The following VAX2 variants were observed in gnomAD, a reference collection of about 807,000 sequenced individuals.
The protein encoded by VAX2 is ventral anterior homeobox 2.
Under a neutral mutation model 12.5 loss-of-function variants are expected in VAX2, and 8 were observed. That is an observed-to-expected ratio of 0.64 (90% CI 0.37 to 1.15). The LOEUF is 1.15. VAX2 is among the 50% of genes most tolerant of loss of function. VAX2 has a pLI of 0.01. For missense variants in VAX2, 476 were observed against 412.9 expected (o/e 1.15, Z -1.32); for synonymous variants, 183 against 187.6 (o/e 0.98, Z 0.20).
Position 70,904,179 on chromosome 2 carries a change from A to G in VAX2, c.247+3311A>G, listed in dbSNP as rs3771400. 7.2e-5 allele frequency among the ~76,000 whole-genome samples: 11 copies of G among 152,352 alleles called. No individual in the cohort carries two copies. The East Asian group carries it at 2.1e-3, about 29-fold the overall frequency. On this transcript the variant is annotated intron_variant, in intron 1 of 2. Coordinates refer to ENST00000234392, the MANE Select transcript of VAX2 (RefSeq NM_012476.3). The surrounding 1 kb of genome is among the most constrained non-coding windows in gnomAD (Gnocchi z 4.2). ...CCACACCTCCGCGTGCACAGTCCCT[A>G]GACCAGTGAGGGCGGGGACGGGGAA...
chr2:70,920,617 A>T (rs992830650), intron 1 of VAX2, among the ~76,000 whole-genome samples: 31 of 140,226 alleles, frequency 2.2e-4, no homozygotes, highest in African/African-American at 8.3e-4. Context: ...GATGCATGAC[A>T]CTCCTTCATG....
intron 1 of VAX2, among the ~76,000 whole-genome samples, chr2:70,908,895 C>T (rs1553410891): frequency 6.6e-6 from 1 of 152,198 alleles, no homozygotes; most frequent in African/African-American, 2.4e-5. Flanking sequence ...ATGTCCACCC[C>T]TTTGCCCTGT....
chr2:70,924,384 C>T (rs984195777), intron 2 of VAX2: 8 of 147,498 alleles, frequency 5.4e-5, no homozygotes, highest in African/African-American at 1.5e-4. Flanking sequence ...ACTGTAGAGA[C>T]GGGGTCTCGC....
chr2:70,915,392 C>T (rs555291379), intron 1 of VAX2, among the ~76,000 whole-genome samples: 107 of 152,062 alleles, frequency 7.0e-4, no homozygotes, highest in African/African-American at 2.5e-3. Flanking sequence ...CCGCATCCAG[C>T]TAATTTTTGT....
At chr2:70,922,804 C>T (rs1340107849) in intron 2 of VAX2, among the ~76,000 whole-genome samples, 2 of 152,202 alleles carry the variant, frequency 1.3e-5, no homozygotes, top group Non-Finnish European at 2.9e-5. Flanking sequence ...CTGGGCTCAA[C>T]AGGGGGCTGG....
rs1553409660 is a variant in VAX2 at position 70,900,814 on chromosome 2, G to A, written c.193G>A (p.Asp65Asn). ...AGSRESGADS[D>N]GQPGPGEADH... ...CTCCAGGGAGAGTGGAGCCGACAGC[G>A]ACGGGCAGCCCGGGCCCGGCGAGGC... Residue 65 changes from aspartate (D) to asparagine (N), a missense_variant, in exon 1 of 3, where the codon GAC becomes AAC. By Grantham distance (23) the Asp-to-Asn change is conservative. Coordinates refer to ENST00000234392, the MANE Select transcript of VAX2 (RefSeq NM_012476.3). The A allele has an allele frequency of 2.0e-6, 3 of 1,488,616 alleles. No individual in the cohort carries two copies. The highest frequency in any genetic ancestry group is 2.9e-5 in the African/African-American group (2 of 69,432). The allele number at this position is 1,488,616 out of a possible 1,614,324, so 92.2% of individuals were successfully genotyped here.
Position 70,933,287 on chromosome 2 carries a change from C to T in VAX2, c.*83C>T, listed in dbSNP as rs1475864998. The T allele has an allele frequency of 2.6e-5, 34 of 1,319,216 alleles. No homozygotes were observed. Among genetic ancestry groups the T allele is most frequent in the Admixed American group, 1.4e-4 (4 of 28,104 alleles). 81.7% of individuals were successfully genotyped at this position (1,319,216 alleles called of 1,614,324 possible). A position where few individuals can be genotyped will look rare whatever the true frequency, so the allele number is the denominator to read the frequency against. ...CCAGCGGACAGCACTGAGCAGGCCCCGGAGAGGAGGGGCTGCAGCCACACA... is the reference window on the plus strand; with the variant it reads ...CCAGCGGACAGCACTGAGCAGGCCCTGGAGAGGAGGGGCTGCAGCCACACA... On this transcript the variant is annotated 3_prime_UTR_variant, in exon 3 of 3. Coordinates refer to ENST00000234392, the MANE Select transcript of VAX2 (RefSeq NM_012476.3).
At chr2:70,903,779 C>A (rs1425560480) in intron 1 of VAX2, among the ~76,000 whole-genome samples, 1 of 152,180 alleles carries the variant, frequency 6.6e-6, no homozygotes, top group East Asian at 1.9e-4. Context: ...TCCCAAGTCA[C>A]CCCTTTCCCC....
chr2:70,921,208 G>C lies in VAX2; in HGVS notation c.358G>C (p.Glu120Gln). ...TAEQLYRLEM[E>Q]FQRCQYVVGR... ...CGAGCAGCTGTACCGCCTGGAGATG[G>C]AGTTCCAGCGCTGCCAGTATGTGGT... Residue 120 changes from glutamate to glutamine, a missense_variant, in exon 2 of 3, where the codon GAG becomes CAG. Glu to Gln is a conservative substitution (Grantham distance 29). Coordinates refer to ENST00000234392, the MANE Select transcript of VAX2 (RefSeq NM_012476.3). 1 of 1,613,696 alleles carries C rather than the reference G, an allele frequency of 6.2e-7. No individual in the cohort carries two copies. The highest frequency in any genetic ancestry group is 8.5e-7 in the Non-Finnish European group (1 of 1,179,938).
chr2:70,927,844 G>A (rs1553413760), intron 2 of VAX2, among the ~76,000 whole-genome samples: 1 of 152,106 alleles, frequency 6.6e-6, no homozygotes. Flanking sequence ...CACTCACTGA[G>A]TCCCAGGGAG....
At chr2:70,908,459 C>CT (rs1679110288) in intron 1 of VAX2, among the ~76,000 whole-genome samples, 1 of 152,140 alleles carries the variant, frequency 6.6e-6, no homozygotes, top group South Asian at 2.1e-4. Flanking sequence ...TCCAATATAT[C>CT]TTGGGGTGTA....
In VAX2 at chr2:70,904,761, C is replaced by T. The variant is rs1401639894; in HGVS notation, c.247+3893C>T. Among the ~76,000 whole-genome samples, 1 of 152,192 alleles carries T rather than the reference C, an allele frequency of 6.6e-6. No individual in the cohort carries two copies. The highest frequency in any genetic ancestry group is 1.5e-5 in the Non-Finnish European group (1 of 68,030). On this transcript the variant is annotated intron_variant, in intron 1 of 2. Transcript: ENST00000234392. This position sits in a 1 kb window ranked among gnomAD's most constrained non-coding sequence, Gnocchi z 4.2. The stretch of plus-strand genomic sequence containing the variant: ...CGCGGATGGCTGGGGGCTGAGGGGA[C>T]GCGTGAAGCCCAGGCCTCTTGCTTG...
rs1382870356 is a variant in VAX2 at position 70,900,646 on chromosome 2, G to A, written c.25G>A (p.Asp9Asn). 5 of 1,273,638 alleles carry A rather than the reference G, an allele frequency of 3.9e-6. No homozygotes were observed. Among genetic ancestry groups the A allele is most frequent in the Non-Finnish European group, 5.0e-6 (5 of 1,009,944 alleles). The allele number at this position is 1,273,638 out of a possible 1,614,324, so 78.9% of individuals were successfully genotyped here. Residue 9 changes from aspartate to asparagine, a missense_variant, in exon 1 of 3, where the codon GAC becomes AAC. Physicochemically the swap from Asp to Asn is conservative, Grantham distance 23. Transcript: ENST00000234392. ...CATGGGCGATGGGGGCGCCGAGCGC[G>A]ACCGGGGCCCCGCGCGCCGGGCGGA... is the stretch of plus-strand genomic sequence containing the variant. MGDGGAER[D>N]RGPARRAESG...
chr2:70,910,838 T>C (rs1679166992), intron 1 of VAX2, among the ~76,000 whole-genome samples: 1 of 149,182 alleles, frequency 6.7e-6, no homozygotes, highest in African/African-American at 2.5e-5. Flanking sequence ...AACAAAAAAC[T>C]TTCTTTGTGG....
At chr2:70,929,310 C>T (rs1181106443) in intron 2 of VAX2, among the ~76,000 whole-genome samples, 1 of 152,200 alleles carries the variant, frequency 6.6e-6, no homozygotes, top group Non-Finnish European at 1.5e-5. Flanking sequence ...TAAAGCAGTG[C>T]CCCCCAGAGT....
chr2:70,917,789 G>T (rs1679342671), intron 1 of VAX2, among the ~76,000 whole-genome samples: 1 of 152,192 alleles, frequency 6.6e-6, no homozygotes, highest in Non-Finnish European at 1.5e-5. Flanking sequence ...AGGATGGTTT[G>T]ATCTCATGTT....
In VAX2 at chr2:70,933,312, ACTCT is replaced by A. The variant is rs1274506968; in HGVS notation, c.*109_*112del. 9.1e-7 allele frequency: 1 copy of A among 1,103,108 alleles called. No homozygotes were observed. Among genetic ancestry groups the A allele is most frequent in the African/African-American group, 1.6e-5 (1 of 61,234 alleles). The allele number at this position is 1,103,108 out of a possible 1,614,324, so 68.3% of individuals were successfully genotyped here. A position where few individuals can be genotyped will look rare whatever the true frequency, so the allele number is the denominator to read the frequency against. ...CGGAGAGGAGGGGCTGCAGCCACAC[ACTCT>A]TCCCCACCTGCCCCCCAGCTCAGAG... On this transcript the variant is annotated 3_prime_UTR_variant, in exon 3 of 3. Coordinates refer to ENST00000234392, the MANE Select transcript of VAX2 (RefSeq NM_012476.3).
intron 1 of VAX2, among the ~76,000 whole-genome samples, chr2:70,901,878 G>A (rs969519392): frequency 2.0e-5 from 3 of 152,310 alleles, no homozygotes; most frequent in Middle Eastern, 3.4e-3. Context: ...GCCAGAAGAG[G>A]CCACTGGCGG....
intron 1 of VAX2, among the ~76,000 whole-genome samples, chr2:70,914,894 C>T (rs1679275225): frequency 6.6e-6 from 1 of 151,890 alleles, no homozygotes; most frequent in Non-Finnish European, 1.5e-5. Flanking sequence ...CTCTCCCTCC[C>T]AGGTTCAAGT....
Sources: allele counts gnomAD v4.1 joint callset (sites outside exome capture counted in the v4.1 genomes callset), GRCh38; gene constraint gnomAD v4.1.1; non-coding constraint Gnocchi (gnomAD v3.1); transcripts MANE v1.5; gene names NCBI Gene and HGNC (gene_info 2026-07-23, HGNC 2026-07-21).